The following GLDC variants were observed in gnomAD, a reference collection of about 807,000 sequenced individuals.
GLDC encodes glycine dehydrogenase (decarboxylating), mitochondrial.
In GLDC, 104 loss-of-function variants were observed where a neutral mutation model predicts 121.3. That is an observed-to-expected ratio of 0.86 (90% CI 0.73 to 1.01). The LOEUF (loss-of-function observed/expected upper bound fraction) is 1.01, where lower values mean the gene tolerates loss of function less well. GLDC is among the 50% of genes least tolerant of loss of function. GLDC has a pLI of 0.00. For missense variants in GLDC, 1,429 were observed against 1,306.6 expected (o/e 1.09, Z -1.44); for synonymous variants, 546 against 480.6 (o/e 1.14, Z -1.78).
chr9:6,550,619 T>A (rs975910114), intron 21 of GLDC, among the ~76,000 whole-genome samples, 184 bp downstream of exon 21: 2 of 152,136 alleles, frequency 1.3e-5, no homozygotes, highest in Non-Finnish European at 2.9e-5. Flanking sequence ...AGAGCAAGAC[T>A]CTATCTCAAA....
At chr9:6,594,861 C>A (rs373989981) in intron 9 of GLDC, among the ~76,000 whole-genome samples, 153 bp downstream of exon 9, 2 of 151,894 alleles carry the variant, frequency 1.3e-5, no homozygotes, top group South Asian at 4.2e-4. Flanking sequence ...GAAAGCAAAA[C>A]AACAAAATAA....
chr9:6,573,130 C>T (rs1458083180), intron 15 of GLDC, among the ~76,000 whole-genome samples: 1 of 152,102 alleles, frequency 6.6e-6, no homozygotes, highest in East Asian at 1.9e-4. Context: ...TTTATGTGGG[C>T]CAGGCATGGT....
At chr9:6,576,950 C>T (rs1818076718) in intron 15 of GLDC, among the ~76,000 whole-genome samples, 1 of 152,188 alleles carries the variant, frequency 6.6e-6, no homozygotes, top group Admixed American at 6.5e-5. Context: ...GCCTTAAAAA[C>T]CTCACATTTT....
intron 21 of GLDC, among the ~76,000 whole-genome samples, chr9:6,549,781 C>T (rs754081566): frequency 1.3e-5 from 2 of 152,088 alleles, no homozygotes; most frequent in Admixed American, 1.3e-4. Flanking sequence ...TACAGGATTG[C>T]AGGTGTGAGC....
At chr9:6,644,899 G>A (rs1177201717) in intron 1 of GLDC, 1 of 629,482 alleles carries the variant, frequency 1.6e-6, no homozygotes, top group Non-Finnish European at 2.8e-6. Flanking sequence ...ACTCGGGGTT[G>A]GATTTCAGTT....
At chr9:6,593,091 T>A (rs1380323763) in intron 9 of GLDC, 101 bp from the exon 10 acceptor site, 9 of 1,292,744 alleles carry the variant, frequency 7.0e-6, no homozygotes, top group Non-Finnish European at 1.0e-5. Context: ...ACTAGACTCT[T>A]GTTGGTCCTG....
intron 3 of GLDC, 119 bp from the exon 4 acceptor site, chr9:6,610,475 T>C (rs1587965213): frequency 1.1e-6 from 1 of 883,830 alleles, no homozygotes; most frequent in East Asian, 2.6e-5. Flanking sequence ...GAGAATTACA[T>C]AACACACCAG....
At chr9:6,603,803 C>T (rs1170298552) in intron 7 of GLDC, among the ~76,000 whole-genome samples, 1 of 150,496 alleles carries the variant, frequency 6.6e-6, no homozygotes, top group Admixed American at 6.6e-5. Context: ...GATCTCGGCT[C>T]ACTGCAACCT....
chr9:6,562,663 G>A (rs936974410), intron 16 of GLDC, among the ~76,000 whole-genome samples: 5 of 152,148 alleles, frequency 3.3e-5, no homozygotes, highest in African/African-American at 9.7e-5. Flanking sequence ...GGATTCAAGT[G>A]ATTCTCCTGC....
At chr9:6,541,605 T>C (rs1817259148) in intron 21 of GLDC, 1 of 151,498 alleles carries the variant, frequency 6.6e-6, no homozygotes, top group Admixed American at 6.6e-5. Context: ...GGCAAATCAC[T>C]TGAGGTCAGG....
At position 6,565,351 on chromosome 9, in the gene GLDC, C is replaced by T. The variant is rs1563839674; in HGVS notation, c.1926+3G>A. 6.2e-7 allele frequency: 1 copy of T among 1,609,736 alleles called. No homozygotes were observed. The highest frequency in any genetic ancestry group is 8.5e-7 in the Non-Finnish European group (1 of 1,176,026). On this transcript the variant is annotated splice_donor_region_variant and intron_variant, in intron 16 of 24. Transcript: ENST00000321612. ...AGCAAGCGCCACCTCCTGCCATACT[C>T]ACCGTTCTGTGCCCCTCTCCTTTCT...
Position 6,602,252 on chromosome 9 carries a change from T to G in GLDC, c.1059-47A>C, listed in dbSNP as rs752046982. The G allele has an allele frequency of 3.7e-6, 4 of 1,082,704 alleles. No individual in the cohort carries two copies. In the Admixed American group the frequency reaches 6.8e-5, roughly 18 times the overall value. The allele number at this position is 1,082,704 out of a possible 1,614,324, so 67.1% of individuals were successfully genotyped here. On this transcript the variant is annotated intron_variant, in intron 7 of 24. Coordinates refer to ENST00000321612, the MANE Select transcript of GLDC (RefSeq NM_000170.3). ...CAGTTAGCACAGATAATCACAGCAC[T>G]GGGAGATGCTATAAATAGAATTACT...
chr9:6,585,370 C>A (rs1192237953), intron 15 of GLDC, among the ~76,000 whole-genome samples: 1 of 152,270 alleles, frequency 6.6e-6, no homozygotes, highest in African/African-American at 2.4e-5. Context: ...CTATCATAGA[C>A]TCAAGGTTCA....
intron 24 of GLDC, 97 bp from the exon 25 acceptor site, chr9:6,533,257 C>T (rs1817039284): frequency 2.0e-6 from 2 of 980,524 alleles, no homozygotes; most frequent in Admixed American, 1.7e-5. Flanking sequence ...CCTAAGACAC[C>T]ATCAGCCCAG....
intron 20 of GLDC, 141 bp downstream of exon 20, chr9:6,553,227 G>C (rs1220413789): frequency 2.7e-6 from 2 of 742,152 alleles, no homozygotes; most frequent in African/African-American, 3.5e-5. Context: ...CTTCCACCCA[G>C]GCCATCAGCA....
chr9:6,584,091 T>G (rs1436063776), intron 15 of GLDC, among the ~76,000 whole-genome samples: 1 of 152,222 alleles, frequency 6.6e-6, no homozygotes, highest in Non-Finnish European at 1.5e-5. Context: ...CTAAGGCTAC[T>G]TCCTAAAAAT....
At chr9:6,572,486 C>G (rs1299188242) in intron 15 of GLDC, among the ~76,000 whole-genome samples, 2 of 152,030 alleles carry the variant, frequency 1.3e-5, no homozygotes, top group Non-Finnish European at 1.5e-5. Flanking sequence ...TTGTGTGAGT[C>G]TATGGGAGAG....
chr9:6,557,189 C>A (rs1283671570), intron 17 of GLDC, among the ~76,000 whole-genome samples: 1 of 151,926 alleles, frequency 6.6e-6, no homozygotes, highest in African/African-American at 2.4e-5. Context: ...AGAAATGATA[C>A]ATGCTTGAGA....
intron 3 of GLDC, among the ~76,000 whole-genome samples, chr9:6,611,097 T>C (rs934405654): frequency 5.3e-5 from 8 of 152,254 alleles, no homozygotes; most frequent in African/African-American, 1.4e-4. Flanking sequence ...AGAGGTCTAC[T>C]TAAGAATTCT....
Sources: gnomAD v4.1 joint callset for allele counts (sites outside exome capture counted in the v4.1 genomes callset) on GRCh38, gnomAD v4.1.1 for gene constraint, MANE v1.5 for transcripts, NCBI Gene and HGNC (gene_info 2026-07-23, HGNC 2026-07-21) for gene names.